APBB2: variants seen among roughly 807,000 people sequenced by gnomAD.
APBB2 encodes Fe65-like 1.
APBB2 carries 38 observed loss-of-function variants against 82.5 expected under a neutral mutation model. The ratio of observed to expected loss-of-function variants is 0.46; its 90% confidence interval spans 0.36 to 0.60. The LOEUF (loss-of-function observed/expected upper bound fraction) is 0.60, where lower values mean the gene tolerates loss of function less well. Ranked by LOEUF, APBB2 falls within the 20% of genes least tolerant of loss-of-function variation. APBB2 has a pLI of 0.00. For synonymous variants in APBB2, 341 were observed against 368.2 expected (o/e 0.93, Z 0.85); for missense variants, 772 against 972.3 (o/e 0.79, Z 2.74).
At chr4:41,029,051 C>T (rs994395325) in intron 5 of APBB2, among the ~76,000 whole-genome samples, 13 of 152,226 alleles carry the variant, frequency 8.5e-5, no homozygotes, top group African/African-American at 3.1e-4. Context: ...AACTGACAAA[C>T]GGGCCCAGGG....
intron 10 of APBB2, among the ~76,000 whole-genome samples, chr4:40,924,505 C>T (rs2154370045): frequency 6.6e-6 from 1 of 152,288 alleles, no homozygotes; most frequent in Admixed American, 6.5e-5. Flanking sequence ...AGAGCCTTTC[C>T]TCACCTGGTG....
At chr4:41,008,612 C>T (rs1807453738) in intron 6 of APBB2, among the ~76,000 whole-genome samples, 1 of 152,216 alleles carries the variant, frequency 6.6e-6, no homozygotes, top group Non-Finnish European at 1.5e-5. Context: ...TTTTATAACA[C>T]ACCACTGTAC....
At chr4:40,906,743 G>C (rs1425539531) in intron 10 of APBB2, among the ~76,000 whole-genome samples, 1 of 150,382 alleles carries the variant, frequency 6.6e-6, no homozygotes, top group Non-Finnish European at 1.5e-5. Flanking sequence ...GAAAGGACTT[G>C]AACCCTCAAT....
intron 6 of APBB2, among the ~76,000 whole-genome samples, chr4:40,969,046 C>T (rs1795335589): frequency 6.6e-6 from 1 of 152,214 alleles, no homozygotes; most frequent in South Asian, 2.1e-4. Flanking sequence ...TTTCGCCTTC[C>T]ACCATGATTG....
intron 7 of APBB2, 61 bp from the exon 8 acceptor site, chr4:40,935,200 A>G (rs1785096093): frequency 8.7e-7 from 1 of 1,144,210 alleles, no homozygotes; most frequent in Non-Finnish European, 1.2e-6. Flanking sequence ...AAGAAAAGAA[A>G]AGAAAAAAAA....
chr4:41,145,422 A>G (rs190025198), intron 1 of APBB2, among the ~76,000 whole-genome samples: 1 of 152,342 alleles, frequency 6.6e-6, no homozygotes, highest in East Asian at 1.9e-4. Context: ...ACATTTCAGC[A>G]TGAACTCTTG....
chr4:41,213,546 C>A (rs936799584), intron 1 of APBB2, among the ~76,000 whole-genome samples: 7 of 152,066 alleles, frequency 4.6e-5, no homozygotes, highest in African/African-American at 1.4e-4. Flanking sequence ...CATGCTCCCT[C>A]GGCTGTTTGC....
intron 1 of APBB2, among the ~76,000 whole-genome samples, chr4:41,195,987 C>A: frequency 6.6e-6 from 1 of 152,038 alleles, no homozygotes; most frequent in African/African-American, 2.4e-5. Context: ...GGTGAAACCC[C>A]GTCTCTACCG....
chr4:41,074,904 T>G (rs1735140044), intron 3 of APBB2, among the ~76,000 whole-genome samples: 1 of 152,140 alleles, frequency 6.6e-6, no homozygotes, highest in Non-Finnish European at 1.5e-5. Flanking sequence ...ATCCCAGCAC[T>G]TTGGGAGGCC....
At chr4:41,062,649 G>A (rs917981686) in intron 4 of APBB2, among the ~76,000 whole-genome samples, 2 of 152,098 alleles carry the variant, frequency 1.3e-5, no homozygotes, top group Admixed American at 6.6e-5. Context: ...TCCAGGGAAG[G>A]GCATTTCAGG....
chr4:41,203,273 T>C (rs1418795629), intron 1 of APBB2, among the ~76,000 whole-genome samples: 1 of 152,172 alleles, frequency 6.6e-6, no homozygotes, highest in East Asian at 1.9e-4. Context: ...TGATTTAAAC[T>C]GAAATAAAAT....
intron 10 of APBB2, among the ~76,000 whole-genome samples, chr4:40,924,045 A>G (rs962242611): frequency 1.3e-5 from 2 of 152,226 alleles, no homozygotes; most frequent in Non-Finnish European, 2.9e-5. Flanking sequence ...CAGGATGGAC[A>G]AGGGTCAGGG....
At chr4:41,062,904 G>A (rs528984997) in intron 4 of APBB2, among the ~76,000 whole-genome samples, 22 of 152,316 alleles carry the variant, frequency 1.4e-4, no homozygotes, top group Admixed American at 1.4e-3. Context: ...ACACACCTCT[G>A]CAGCTCAGGG....
chr4:41,083,874 TA>T (rs919611884), intron 3 of APBB2, among the ~76,000 whole-genome samples: 1 of 151,954 alleles, frequency 6.6e-6, no homozygotes, highest in African/African-American at 2.4e-5. Context: ...AGAATAAAAA[TA>T]AAAGTTATGT....
intron 1 of APBB2, among the ~76,000 whole-genome samples, chr4:41,213,080 A>G (rs1022697297): frequency 3.6e-5 from 5 of 137,318 alleles, no homozygotes; most frequent in Non-Finnish European, 8.4e-5. Context: ...TGAAACCATG[A>G]CAAGAAAAAA....
intron 5 of APBB2, among the ~76,000 whole-genome samples, chr4:41,024,837 C>A (rs181233465): frequency 2.0e-5 from 3 of 152,324 alleles, no homozygotes; most frequent in Admixed American, 2.0e-4. Context: ...TAAGCCTGTG[C>A]AAGGCACTAG....
At chr4:40,970,283 T>C (rs1186804392) in intron 6 of APBB2, among the ~76,000 whole-genome samples, 1 of 152,190 alleles carries the variant, frequency 6.6e-6, no homozygotes, top group African/African-American at 2.4e-5. Context: ...GGATCATGAA[T>C]AAGTGAGAAC....
At chr4:41,071,703 T>TA (rs899340057) in intron 3 of APBB2, among the ~76,000 whole-genome samples, 3 of 152,104 alleles carry the variant, frequency 2.0e-5, no homozygotes, top group African/African-American at 7.2e-5. Context: ...TAAAATTTTT[T>TA]AAAAAAAATC....
At chr4:40,935,186 GA>G in intron 7 of APBB2, 47 bp from the exon 8 acceptor site, 1 of 1,157,708 alleles carries the variant, frequency 8.6e-7, no homozygotes, top group Non-Finnish European at 1.2e-6. Flanking sequence ...TTGATTTAAA[GA>G]AAAAGAAAAG....
Sources: gnomAD v4.1 joint callset for allele counts (sites outside exome capture counted in the v4.1 genomes callset) on GRCh38, gnomAD v4.1.1 for gene constraint, MANE v1.5 for transcripts, NCBI Gene and HGNC (gene_info 2026-07-23, HGNC 2026-07-21) for gene names.